Variants in WDR90 observed in about 807,000 individuals in gnomAD.
WDR90 encodes the protein WD repeat domain 90.
A neutral mutation model predicts 195.2 loss-of-function variants in WDR90; 238 were observed. The observed-to-expected ratio is 1.22, with a 90% CI of 1.10 to 1.36. WDR90 has a LOEUF of 1.36. WDR90 is among the 40% of genes most tolerant of loss of function. WDR90 has a pLI of 0.00. For missense variants in WDR90, 2,734 were observed against 2,439.5 expected (o/e 1.12, Z -2.54); for synonymous variants, 1,265 against 1,052.4 (o/e 1.20, Z -3.91).
At chr16:651,458 G>C (rs1249880796) in intron 7 of WDR90, among the ~76,000 whole-genome samples, 186 bp from the exon 8 acceptor site, 1 of 152,138 alleles carries the variant, frequency 6.6e-6, no homozygotes, top group Non-Finnish European at 1.5e-5. Context: ...GGGTACCCGG[G>C]GGCCCCAAGC....
At position 661,502 on chromosome 16, in the gene WDR90, G is replaced by A; in HGVS notation, c.3673+1G>A. The A allele has an allele frequency of 6.2e-7, 1 of 1,601,026 alleles. No individual in the cohort carries two copies. Among genetic ancestry groups the A allele is most frequent in the Non-Finnish European group, 8.5e-7 (1 of 1,171,708 alleles). ...GATGACAGGCTTCTTGTCACACTGGGTCAGTGGGAGGGAGGGTGGAGGCCA... is the reference window on the plus strand; with the variant it reads ...GATGACAGGCTTCTTGTCACACTGGATCAGTGGGAGGGAGGGTGGAGGCCA... On this transcript the variant is annotated splice_donor_variant, in intron 30 of 40. Transcript: ENST00000293879. LOFTEE classifies it high-confidence loss of function.
chr16:656,314 C>A lies in WDR90; in HGVS notation c.1979C>A (p.Pro660His). 1 of 1,607,916 alleles carries A rather than the reference C, an allele frequency of 6.2e-7. No individual in the cohort carries two copies. The change falls in exon 18 of 41, where the codon CCC becomes CAC. Residue 660 changes from proline to histidine, a missense_variant. Pro to His is a moderately conservative substitution (Grantham distance 77, BLOSUM62 -2). Coordinates refer to ENST00000293879, the MANE Select transcript of WDR90 (RefSeq NM_145294.5). ...ACCCCACCCACAGAGCACGAGGGCC[C>A]CGTCAGCTCAGTCTGTGTCAGCCCC... Reference protein sequence around the residue: ...SVLLEAEHEGPVSSVCVSPDG... With the variant: ...SVLLEAEHEGHVSSVCVSPDG...
At chr16:658,028 C>T (rs2037798526) in intron 21 of WDR90, 136 bp downstream of exon 21, 8 of 1,452,530 alleles carry the variant, frequency 5.5e-6, no homozygotes, top group Non-Finnish European at 7.3e-6. Context: ...ACACATCAGC[C>T]ATGTGGGGCC....
intron 1 of WDR90, 129 bp downstream of exon 1, chr16:649,555 C>A: frequency 8.2e-7 from 1 of 1,225,554 alleles, no homozygotes; most frequent in Non-Finnish European, 1.0e-6. Context: ...GGCAGGGTCC[C>A]GTCTGCCGGG....
At chr16:652,247 T>C in intron 9 of WDR90, 1 of 795,714 alleles carries the variant, frequency 1.3e-6, no homozygotes, top group Non-Finnish European at 2.0e-6. Flanking sequence ...TCACCCCCAA[T>C]GCGTCAGCCC....
At chr16:653,201 G>T in intron 10 of WDR90, 140 bp from the exon 11 acceptor site, 1 of 633,516 alleles carries the variant, frequency 1.6e-6, no homozygotes, top group South Asian at 2.1e-5. Context: ...CTTGCCCCTG[G>T]GTGGCTGTGT....
At chr16:661,868 T>C (rs758404326) in intron 31 of WDR90, 23 bp from the exon 32 acceptor site, 2 of 1,600,918 alleles carry the variant, frequency 1.2e-6, no homozygotes, top group Non-Finnish European at 8.5e-7. Flanking sequence ...TGCTGACCCA[T>C]GGCCACTCTC....
At position 667,412 on chromosome 16, in the gene WDR90, C is replaced by G; in HGVS notation, c.5090-20C>G. On this transcript the variant is annotated intron_variant, in intron 40 of 40. Coordinates refer to ENST00000293879, the MANE Select transcript of WDR90 (RefSeq NM_145294.5). ...GCTGCCTGGTCCTGGCCCTGGCCCA[C>G]CTGCACCGTCTACCCACAGAGTGCA... The G allele has an allele frequency of 1.9e-6, 3 of 1,581,596 alleles. No individual in the cohort carries two copies. In the South Asian group the frequency reaches 3.4e-5, roughly 18 times the overall value.
chr16:649,718 C>G, intron 1 of WDR90, 45 bp from the exon 2 acceptor site: 1 of 1,527,814 alleles, frequency 6.5e-7, no homozygotes, highest in Non-Finnish European at 8.8e-7. Context: ...GTGGCCCCGG[C>G]TCGCGTGGCC....
intron 9 of WDR90, 144 bp from the exon 10 acceptor site, chr16:652,323 C>A: frequency 2.0e-6 from 2 of 1,023,252 alleles, no homozygotes; most frequent in Non-Finnish European, 2.8e-6. Flanking sequence ...TCCACCTTAC[C>A]ACAGCCAGCA....
At chr16:659,677 G>A (rs1312727380) in intron 26 of WDR90, among the ~76,000 whole-genome samples, 1 of 152,180 alleles carries the variant, frequency 6.6e-6, no homozygotes, top group Non-Finnish European at 1.5e-5. Context: ...GAGGGGCTTG[G>A]GCAGGCCTCA....
chr16:656,588 C>T (rs2037760174), intron 18 of WDR90, 51 bp downstream of exon 18: 1 of 1,573,006 alleles, frequency 6.4e-7, no homozygotes, highest in Non-Finnish European at 8.6e-7. Flanking sequence ...GGTCCTGAAG[C>T]TGGGGTTTGT....
chr16:654,937 AG>A, intron 13 of WDR90, 91 bp from the exon 14 acceptor site: 1 of 1,290,790 alleles, frequency 7.7e-7, no homozygotes. Flanking sequence ...ATGAGAGAAA[AG>A]CCACCTCCGG....
chr16:656,900 C>T (rs200621977), intron 19 of WDR90, 29 bp downstream of exon 19: 19 of 1,605,988 alleles, frequency 1.2e-5, no homozygotes, highest in African/African-American at 4.0e-5. Flanking sequence ...ACCAGCCCCA[C>T]GGAGACCCCA....
intron 13 of WDR90, chr16:654,788 G>C (rs755435909): frequency 1.4e-5 from 8 of 559,188 alleles, no homozygotes; most frequent in East Asian, 3.0e-5. Context: ...TTGCGGGGGG[G>C]TTTGTACTTC....
chr16:657,650 C>T, intron 20 of WDR90, 112 bp from the exon 21 acceptor site: 4 of 1,377,708 alleles, frequency 2.9e-6, no homozygotes, highest in East Asian at 5.3e-5. Flanking sequence ...CGTCTGTGCT[C>T]CGGGGCTGGT....
chr16:659,044 G>T (rs375062850), intron 24 of WDR90, 33 bp downstream of exon 24: 1 of 1,612,848 alleles, frequency 6.2e-7, no homozygotes, highest in African/African-American at 1.3e-5. Context: ...GTCTGCCTAG[G>T]CCCCCCAGGC....
chr16:651,956 G>C lies in WDR90; in HGVS notation c.970G>C (p.Asp324His). Residue 324 changes from aspartate (D) to histidine (H), a missense_variant, in exon 9 of 41, where the codon GAC becomes CAC. By Grantham distance (81) the Asp-to-His change is moderately conservative. Transcript: ENST00000293879. ...GCCCTGGGCCCAGCTGGAGGCCTCT[G>C]ACATCCACACGGCTGCTGCCGGCAC... ...LEPWAQLEAS[D>H]IHTAAAGTHV... 2 of 1,608,440 alleles carry C rather than the reference G, an allele frequency of 1.2e-6. No individual in the cohort carries two copies. Among genetic ancestry groups the C allele is most frequent in the Non-Finnish European group, 8.5e-7 (1 of 1,178,432 alleles).
In WDR90 at chr16:666,545, A is replaced by T. The variant is rs927266940; in HGVS notation, c.4831A>T (p.Asn1611Tyr). 5.6e-6 allele frequency: 9 copies of T among 1,612,608 alleles called. No individual in the cohort carries two copies. Among genetic ancestry groups the T allele is most frequent in the Middle Eastern group, 1.6e-4 (1 of 6,084 alleles). ...CGTCTGGGCCTCCGACTGGCTGCGGAACCACTGTGAGCTTGTGGACTGGTT... is the reference window on the plus strand; with the variant it reads ...CGTCTGGGCCTCCGACTGGCTGCGGTACCACTGTGAGCTTGTGGACTGGTT... ...VSVWASDWLR[N>Y]HCELVDWLSF... Residue 1611 changes from asparagine to tyrosine, a missense_variant, in exon 38 of 41, where the codon AAC becomes TAC. Transcript: ENST00000293879.
Sources: gnomAD v4.1 joint callset for allele counts (sites outside exome capture counted in the v4.1 genomes callset) on GRCh38, gnomAD v4.1.1 for gene constraint, MANE v1.5 for transcripts, NCBI Gene and HGNC (gene_info 2026-07-23, HGNC 2026-07-21) for gene names.